The following GBE1 variants were observed in gnomAD, a reference collection of about 807,000 sequenced individuals.
The protein encoded by GBE1 is 1,4-alpha-glucan-branching enzyme.
GBE1 carries 70 observed loss-of-function variants against 88.8 expected under a neutral mutation model. The ratio of observed to expected loss-of-function variants is 0.79; its 90% CI spans 0.65 to 0.96. The LOEUF is 0.96. Ranked by LOEUF, GBE1 falls within the 40% of genes least tolerant of loss-of-function variation. The pLI, the probability that GBE1 is intolerant of heterozygous loss-of-function variation, is 0.00. For synonymous variants in GBE1, 284 were observed against 300.1 expected (o/e 0.95, Z 0.56); for missense variants, 872 against 871.0 (o/e 1.00, Z -0.01).
intron 2 of GBE1, among the ~76,000 whole-genome samples, chr3:81,684,110 T>C (rs538382545): frequency 6.4e-4 from 97 of 152,190 alleles, no homozygotes; most frequent in Admixed American, 1.4e-3. Flanking sequence ...CAATTTTCAT[T>C]TGATGGATGA....
At chr3:81,726,675 A>T (rs999207520) in intron 1 of GBE1, among the ~76,000 whole-genome samples, 2 of 150,384 alleles carry the variant, frequency 1.3e-5, no homozygotes, top group African/African-American at 4.9e-5. Flanking sequence ...TCTGCCTCCC[A>T]GGTTCAAGCT....
Position 81,642,938 on chromosome 3 carries a change from T to C in GBE1, c.835A>G (p.Met279Val), listed in dbSNP as rs1704706968. The C allele has an allele frequency of 6.2e-7, 1 of 1,613,026 alleles. No homozygotes were observed. The highest frequency in any genetic ancestry group is 1.1e-5 in the South Asian group (1 of 91,038). Residue 279 changes from methionine (M) to valine (V), a missense_variant, in exon 7 of 16, where the codon ATG becomes GTG. Coordinates refer to ENST00000429644, the MANE Select transcript of GBE1 (RefSeq NM_000158.4). ...ACATCTAAGAGGACTATGATACCCA[T>C]GGAATGAGCTGTGTCTACCAGTTCT... is the stretch of plus-strand genomic sequence containing the variant. ...LQELVDTAHS[M>V]GIIVLLDVVH...
intron 2 of GBE1, among the ~76,000 whole-genome samples, chr3:81,696,351 TAC>T (rs1477256249): frequency 1.3e-5 from 2 of 152,218 alleles, no homozygotes; most frequent in Non-Finnish European, 2.9e-5. Context: ...TCAGATAAGC[TAC>T]CTGTGGCATA....
At position 81,641,423 on chromosome 3, in the gene GBE1, A is replaced by C. The variant is rs1438540463; in HGVS notation, c.992+1358T>G. On this transcript the variant is annotated intron_variant, in intron 7 of 15. Coordinates refer to ENST00000429644, the MANE Select transcript of GBE1 (RefSeq NM_000158.4). ...ACCAACCTAATATATCACAGAATTA[A>C]CACAGATTTAGTCTTTTTTATTTGC... Among the ~76,000 whole-genome samples the C allele has an allele frequency of 2.0e-5, 3 of 152,144 alleles. No homozygotes were observed. In the East Asian group the frequency reaches 5.8e-4, roughly 29 times the overall value.
intron 1 of GBE1, among the ~76,000 whole-genome samples, chr3:81,740,243 A>G (rs1706326638): frequency 6.6e-6 from 1 of 151,302 alleles, no homozygotes; most frequent in Admixed American, 6.6e-5. Flanking sequence ...ATAATAATAG[A>G]TTAACCAATA....
At chr3:81,741,987 C>T (rs527356883) in intron 1 of GBE1, among the ~76,000 whole-genome samples, 124 of 151,594 alleles carry the variant, frequency 8.2e-4, no homozygotes, top group African/African-American at 2.9e-3. Context: ...CAAAACCTAC[C>T]TCAATGTAAA....
At chr3:81,693,889 GA>G (rs548462505) in intron 2 of GBE1, among the ~76,000 whole-genome samples, 3 of 151,282 alleles carry the variant, frequency 2.0e-5, no homozygotes, top group Non-Finnish European at 3.0e-5. Context: ...TGTAACTACA[GA>G]AAAAAAAGGA....
chr3:81,759,338 T>C (rs975946452), intron 1 of GBE1, among the ~76,000 whole-genome samples: 3 of 152,192 alleles, frequency 2.0e-5, no homozygotes, highest in African/African-American at 7.2e-5. Flanking sequence ...AATTATATAC[T>C]GTTGTTTGTA....
chr3:81,602,848 A>G (rs893034764), intron 7 of GBE1, among the ~76,000 whole-genome samples: 2 of 152,204 alleles, frequency 1.3e-5, no homozygotes, highest in African/African-American at 4.8e-5. Context: ...TTTCTATTCA[A>G]AGAAAATACT....
At chr3:81,709,184 C>T (rs1275087166) in intron 1 of GBE1, among the ~76,000 whole-genome samples, 1 of 152,100 alleles carries the variant, frequency 6.6e-6, no homozygotes, top group African/African-American at 2.4e-5. Context: ...TCTATGAACT[C>T]TTCCTAATTT....
intron 12 of GBE1, among the ~76,000 whole-genome samples, chr3:81,576,920 A>G (rs1193077425): frequency 1.3e-5 from 2 of 152,130 alleles, no homozygotes; most frequent in Admixed American, 6.6e-5. Flanking sequence ...AAAATTTCCA[A>G]GTAGAAGTGA....
intron 2 of GBE1, among the ~76,000 whole-genome samples, chr3:81,677,300 G>C (rs530299204): frequency 6.6e-6 from 1 of 152,140 alleles, no homozygotes; most frequent in Non-Finnish European, 1.5e-5. Flanking sequence ...AAATGCAATA[G>C]GCGAGGCTAA....
At chr3:81,550,620 G>A (rs761503058) in intron 12 of GBE1, among the ~76,000 whole-genome samples, 4 of 152,144 alleles carry the variant, frequency 2.6e-5, no homozygotes, top group Admixed American at 6.5e-5. Context: ...CACAGGTCAT[G>A]AAGACCTTGC....
intron 12 of GBE1, among the ~76,000 whole-genome samples, chr3:81,556,891 A>C (rs1399226430): frequency 6.6e-6 from 1 of 152,116 alleles, no homozygotes; most frequent in East Asian, 1.9e-4. Context: ...GACAACTTAA[A>C]ATTTGTAATA....
chr3:81,613,148 CTTTTT>C, intron 7 of GBE1: 4 of 226,936 alleles, frequency 1.8e-5, no homozygotes, highest in South Asian at 1.1e-4. Context: ...AAGCTGCAGT[CTTTTT>C]TTTTTTTTTT....
chr3:81,759,802 T>A (rs897163891), intron 1 of GBE1, among the ~76,000 whole-genome samples: 2 of 151,904 alleles, frequency 1.3e-5, no homozygotes, highest in South Asian at 4.1e-4. Context: ...ATAAAGTACA[T>A]GAAAGAAACA....
chr3:81,537,107 A>G lies in GBE1; in HGVS notation c.1619-12T>C. 1 of 1,444,936 alleles carries G rather than the reference A, an allele frequency of 6.9e-7. No homozygotes were observed. The highest frequency in any genetic ancestry group is 9.2e-7 in the Non-Finnish European group (1 of 1,089,886). 89.5% of individuals were successfully genotyped at this position (1,444,936 alleles called of 1,614,324 possible). The stretch of plus-strand genomic sequence containing the variant: ...CCCAAATTCATTACCTGCATTACAA[A>G]ACACATGCAAATATCAGCCTATTAA... On this transcript the variant is annotated splice_polypyrimidine_tract_variant and intron_variant, in intron 12 of 15. Coordinates refer to ENST00000429644, the MANE Select transcript of GBE1 (RefSeq NM_000158.4).
intron 14 of GBE1, among the ~76,000 whole-genome samples, chr3:81,521,681 A>G (rs9863396): frequency 0.16 from 23,799 of 151,508 alleles, 1,983 homozygotes; most frequent in Non-Finnish European, 0.21. Context: ...CAATCCTAAC[A>G]GATTAATAAC....
chr3:81,748,355 T>C (rs561359916), intron 1 of GBE1, among the ~76,000 whole-genome samples: 1 of 152,022 alleles, frequency 6.6e-6, no homozygotes, highest in East Asian at 2.0e-4. Context: ...CTCACGCCTA[T>C]AATTACAGCA....
Sources: gnomAD v4.1 joint callset for allele counts (sites outside exome capture counted in the v4.1 genomes callset) on GRCh38, gnomAD v4.1.1 for gene constraint, MANE v1.5 for transcripts, NCBI Gene and HGNC (gene_info 2026-07-23, HGNC 2026-07-21) for gene names.